The following DHRS2 variants were observed in gnomAD, a reference collection of about 807,000 sequenced individuals.
DHRS2 encodes the protein dehydrogenase/reductase SDR family member 2, mitochondrial.
Under a neutral mutation model 26.3 loss-of-function variants are expected in DHRS2, and 29 were observed. The ratio of observed to expected loss-of-function variants is 1.10; its 90% CI spans 0.82 to 1.50. The LOEUF (loss-of-function observed/expected upper bound fraction) is 1.50. Among genes scored for constraint, DHRS2 ranks in the 40% most tolerant of loss-of-function variants. The pLI is 0.00. For missense variants in DHRS2, 439 were observed against 367.1 expected (o/e 1.20, Z -1.60); for synonymous variants, 164 against 151.3 (o/e 1.08, Z -0.62).
Position 23,639,797 on chromosome 14 carries a change from C to T in DHRS2, c.322C>T (p.Leu108=), listed in dbSNP as rs570624968. The change falls in exon 4 of 9, where the codon CTG becomes TTG. Residue 108 remains leucine, a synonymous_variant. Coordinates refer to ENST00000250383, the MANE Select transcript of DHRS2 (RefSeq NM_005794.4). ...EDREQLVAKA[L]EHCGGVDFLV... Reference sequence around the variant, plus strand: ...TCATCCAATCTCCTCTCCGCAGGCCCTGGAGCACTGTGGGGGCGTCGACTT... The same window carrying T: ...TCATCCAATCTCCTCTCCGCAGGCCTTGGAGCACTGTGGGGGCGTCGACTT... 164 of 1,607,598 alleles carry T rather than the reference C, an allele frequency of 1.0e-4. 4 individuals carry two copies. The South Asian group carries it at 1.7e-3, about 17-fold the overall frequency.
In DHRS2 at chr14:23,644,444, G is replaced by T. The variant is rs1378646045; in HGVS notation, c.576G>T (p.Leu192=). ...LGVYNVSKTA[L]LGLTRTLALE... ...TCTACAATGTCAGCAAGACAGCGCT[G>T]CTGGGTCTCACTAGAACACTGGCAT... The change falls in exon 7 of 9, where the codon CTG becomes CTT. Residue 192 remains leucine, a synonymous_variant. Transcript: ENST00000250383. The T allele has an allele frequency of 2.5e-6, 4 of 1,614,202 alleles. No homozygotes were observed. The highest frequency in any genetic ancestry group is 3.4e-6 in the Non-Finnish European group (4 of 1,180,044).
intron 7 of DHRS2, 112 bp downstream of exon 7, chr14:23,644,655 G>A (rs1594250047): frequency 6.5e-7 from 1 of 1,542,112 alleles, no homozygotes; most frequent in East Asian, 2.2e-5. Flanking sequence ...CTATGACTGA[G>A]GTCCTCATTG....
In DHRS2 at chr14:23,639,353, CAAGGTGAGGGGGCA is replaced by C; in HGVS notation, c.316_318+11del. The stretch of plus-strand genomic sequence containing the variant: ...CTGAGGACCGGGAGCAGCTGGTGGC[CAAGGTGAGGGGGCA>C]GGCGGTGGAAGGACACAGAGAGGGG... On this transcript the variant is annotated splice_donor_variant and splice_donor_5th_base_variant and coding_sequence_variant and intron_variant, in exon 3 of 9. Transcript: ENST00000250383. LOFTEE classifies it high-confidence loss of function. 1 of 1,565,498 alleles carries C rather than the reference CAAGGTGAGGGGGCA, an allele frequency of 6.4e-7. No individual in the cohort carries two copies. Among genetic ancestry groups the C allele is most frequent in the Middle Eastern group, 1.7e-4 (1 of 5,808 alleles).
chr14:23,641,616 T>G, intron 4 of DHRS2: 1 of 1,289,612 alleles, frequency 7.8e-7, no homozygotes, highest in Non-Finnish European at 1.0e-6. Flanking sequence ...GGGTCTGTTT[T>G]GACCAGGAAA....
intron 1 of DHRS2, chr14:23,638,542 C>T (rs1003430220): frequency 1.1e-5 from 3 of 283,026 alleles, no homozygotes; most frequent in African/African-American, 4.5e-5. Context: ...GACACATTGC[C>T]AGTGCTCAAT....
chr14:23,642,163 C>T (rs1890696656), intron 4 of DHRS2: 1 of 1,026,436 alleles, frequency 9.7e-7, no homozygotes, highest in African/African-American at 1.7e-5. Context: ...TTGTGTCTCC[C>T]TGTTTGTATT....
chr14:23,639,903 G>A lies in DHRS2; in HGVS notation c.420+8G>A. On this transcript the variant is annotated splice_region_variant and intron_variant, in intron 4 of 8. Coordinates refer to ENST00000250383, the MANE Select transcript of DHRS2 (RefSeq NM_005794.4). ...GAGCAGATCTGGGACAAGGTGAGAG[G>A]CCTCCCCTGGGGAGGCGGCTGAGGG... The A allele has an allele frequency of 6.3e-7, 1 of 1,586,482 alleles. No homozygotes were observed.
intron 4 of DHRS2, chr14:23,641,857 G>A: frequency 8.1e-7 from 1 of 1,237,140 alleles, no homozygotes; most frequent in Non-Finnish European, 1.0e-6. Context: ...CAGTCCTGGT[G>A]AGTTGCAGAT....
chr14:23,641,675 G>A (rs893379701), intron 4 of DHRS2: 6 of 1,289,602 alleles, frequency 4.7e-6, no homozygotes, highest in Non-Finnish European at 5.1e-6. Flanking sequence ...GGGACCTCAG[G>A]GTGGTACCCA....
At chr14:23,643,933 C>T (rs1566704457) in intron 5 of DHRS2, 178 bp from the exon 6 acceptor site, 9 of 643,218 alleles carry the variant, frequency 1.4e-5, no homozygotes, top group Non-Finnish European at 2.0e-5. Context: ...CCTAGCTCTG[C>T]CGTGTATTGG....
intron 4 of DHRS2, chr14:23,640,308 A>G: frequency 2.0e-6 from 2 of 985,594 alleles, no homozygotes; most frequent in Non-Finnish European, 2.4e-6. Flanking sequence ...TTCTTTGGTG[A>G]CCTGTGCCTG....
intron 1 of DHRS2, 122 bp downstream of exon 1, chr14:23,636,894 A>C (rs1410068761): frequency 6.6e-6 from 1 of 152,186 alleles, no homozygotes; most frequent in African/African-American, 2.4e-5. Flanking sequence ...TGGACTAAAA[A>C]CGTGGGTGTC....
rs774979125 is a variant in DHRS2 at position 23,644,839 on chromosome 14, G to A, written c.688G>A (p.Glu230Lys). The A allele has an allele frequency of 1.9e-6, 3 of 1,614,208 alleles. No homozygotes were observed. Among genetic ancestry groups the A allele is most frequent in the Admixed American group, 1.7e-5 (1 of 60,024 alleles). The change falls in exon 8 of 9, where the codon GAG (glutamate) becomes AAG (lysine). Residue 230 changes from glutamate (E) to lysine (K), a missense_variant. Coordinates refer to ENST00000250383, the MANE Select transcript of DHRS2 (RefSeq NM_005794.4). Reference sequence around the variant, plus strand: ...TCCCTTTGCCCAGTTTCATGGGAATGAGTCTCTCTGGAAGAACTTCAAGGA... The same window carrying A: ...TCCCTTTGCCCAGTTTCATGGGAATAAGTCTCTCTGGAAGAACTTCAAGGA... The part of the protein sequence containing the change: ...TDFSKVFHGN[E>K]SLWKNFKEHH...
At chr14:23,639,690 A>C in intron 3 of DHRS2, 104 bp from the exon 4 acceptor site, 1 of 1,271,164 alleles carries the variant, frequency 7.9e-7, no homozygotes, top group Non-Finnish European at 1.1e-6. Flanking sequence ...ATTTTCCTTT[A>C]GGAGCTCTGC....
rs1384745892 is a variant in DHRS2 at position 23,645,307 on chromosome 14, G to A, written c.*54G>A. On this transcript the variant is annotated 3_prime_UTR_variant, in exon 9 of 9. Coordinates refer to ENST00000250383, the MANE Select transcript of DHRS2 (RefSeq NM_005794.4). ...GTCCCAGGCCCAGGAGCCTGAGGGG[G>A]TGTCTAGGTGATCATTTGGATCTGG... 1 of 1,611,762 alleles carries A rather than the reference G, an allele frequency of 6.2e-7. No individual in the cohort carries two copies.
intron 6 of DHRS2, 30 bp from the exon 7 acceptor site, chr14:23,644,379 T>A: frequency 6.2e-7 from 1 of 1,613,676 alleles, no homozygotes; most frequent in Non-Finnish European, 8.5e-7. Context: ...CTCTCCCATA[T>A]CCTAATCACT....
chr14:23,641,619 C>T (rs943755670), intron 4 of DHRS2: 25 of 1,289,374 alleles, frequency 1.9e-5, no homozygotes, highest in Non-Finnish European at 2.3e-5. Context: ...TCTGTTTTGA[C>T]CAGGAAACCC....
In DHRS2 at chr14:23,645,227, GT is replaced by G; in HGVS notation, c.818del (p.Val273GlyfsTer25). On this transcript the variant is annotated frameshift_variant, in exon 9 of 9. Transcript: ENST00000250383. LOFTEE classifies it high-confidence loss of function. ...ASYVNGENIA[V>X]AGYSTRL is the part of the protein sequence containing the mutation. ...CTACGTCAACGGGGAGAACATTGCG[GT>G]GGCAGGCTACTCCACTCGGCTCTGA... The G allele has an allele frequency of 6.2e-7, 1 of 1,614,166 alleles. No individual in the cohort carries two copies. The highest frequency in any genetic ancestry group is 8.5e-7 in the Non-Finnish European group (1 of 1,180,038).
At chr14:23,638,367 G>A (rs951850411) in intron 1 of DHRS2, 16 of 182,132 alleles carry the variant, frequency 8.8e-5, no homozygotes, top group African/African-American at 2.6e-4. Flanking sequence ...TGAAGTCAGC[G>A]AGACCAAGAA....
Sources: gnomAD v4.1 joint callset for allele counts on GRCh38, gnomAD v4.1.1 for gene constraint, MANE v1.5 for transcripts, NCBI Gene and HGNC (gene_info 2026-07-23, HGNC 2026-07-21) for gene names.